Variants in NSF observed in about 807,000 individuals in gnomAD.
NSF encodes the protein N-ethylmaleimide sensitive factor, vesicle fusing ATPase, also known as vesicle-fusing ATPase.
Under a neutral mutation model 50.3 loss-of-function variants are expected in NSF, and 14 were observed. That is an observed-to-expected ratio of 0.28 (90% CI 0.18 to 0.44). The LOEUF (loss-of-function observed/expected upper bound fraction) is 0.44. Ranked by LOEUF, NSF falls within the 20% of genes least tolerant of loss-of-function variation. The pLI is 1.00. For missense variants in NSF, 218 were observed against 504.3 expected (o/e 0.43, Z 5.44); for synonymous variants, 109 against 175.7 (o/e 0.62, Z 3.00).
intron 1 of NSF, among the ~76,000 whole-genome samples, chr17:46,622,319 G>C (rs1215180860): frequency 6.7e-6 from 1 of 148,766 alleles, no homozygotes; most frequent in Non-Finnish European, 1.5e-5. Context: ...TTAGCCAGGC[G>C]TGGTGGTGGG....
At chr17:46,709,787 G>A (rs2058700723) in intron 13 of NSF, among the ~76,000 whole-genome samples, 2 of 152,060 alleles carry the variant, frequency 1.3e-5, no homozygotes, top group South Asian at 2.1e-4. Context: ...GAGTCACTGC[G>A]CCCGGCCATG....
chr17:46,714,088 A>G (rs2058744925), intron 15 of NSF, 102 bp downstream of exon 15: 5 of 1,259,270 alleles, frequency 4.0e-6, no homozygotes, highest in African/African-American at 3.1e-5. Context: ...ACCCATAGCA[A>G]CTATGTTCTT....
intron 15 of NSF, chr17:46,721,671 C>A: frequency 6.2e-7 from 1 of 1,604,354 alleles, no homozygotes; most frequent in Non-Finnish European, 8.5e-7. Flanking sequence ...TTGTGTTCCA[C>A]ATTGTTCTGC....
At chr17:46,747,710 C>T (rs2059144632) in intron 17 of NSF, among the ~76,000 whole-genome samples, 1 of 152,006 alleles carries the variant, frequency 6.6e-6, no homozygotes, top group Non-Finnish European at 1.5e-5. Context: ...TTGATACTAA[C>T]CTGAAAAGTA....
rs2058077269 is a variant in NSF at position 46,622,587 on chromosome 17, A to G, written c.13-1657A>G. 6.1e-5 allele frequency among the ~76,000 whole-genome samples: 9 copies of G among 147,514 alleles called. No individual in the cohort carries two copies. In the South Asian group the frequency reaches 1.9e-3, roughly 32 times the overall value. On this transcript the variant is annotated intron_variant, in intron 1 of 20. Coordinates refer to ENST00000398238, the MANE Select transcript of NSF (RefSeq NM_006178.4). Reference sequence around the variant, plus strand: ...TGCCTGAGCTCAGGAGTTCGAGACCAGCCTGGGCAACGTGATGAAACCCCC... The same window carrying G: ...TGCCTGAGCTCAGGAGTTCGAGACCGGCCTGGGCAACGTGATGAAACCCCC...
intron 17 of NSF, among the ~76,000 whole-genome samples, chr17:46,747,182 G>A (rs2059137846): frequency 6.6e-6 from 1 of 152,186 alleles, no homozygotes; most frequent in Non-Finnish European, 1.5e-5. Context: ...CCAGACACTT[G>A]AGGAAAGCCT....
intron 17 of NSF, among the ~76,000 whole-genome samples, chr17:46,732,093 G>A (rs1017113327): frequency 1.3e-4 from 20 of 152,158 alleles, no homozygotes; most frequent in Non-Finnish European, 2.6e-4. Flanking sequence ...TTGTAGAAAT[G>A]CATAGAGTGA....
chr17:46,723,129 C>G (rs1358510675), intron 15 of NSF, among the ~76,000 whole-genome samples: 1 of 152,116 alleles, frequency 6.6e-6, no homozygotes, highest in Admixed American at 6.6e-5. Flanking sequence ...TAGTTTAGAC[C>G]TAAGCAATGT....
intron 16 of NSF, among the ~76,000 whole-genome samples, chr17:46,728,498 G>C (rs1442038365): frequency 2.6e-5 from 4 of 151,884 alleles, no homozygotes; most frequent in Admixed American, 2.6e-4. Context: ...GTGGGATTAT[G>C]GCAACCTATA....
intron 17 of NSF, among the ~76,000 whole-genome samples, chr17:46,738,041 C>A (rs541714059): frequency 7.2e-5 from 11 of 151,900 alleles, no homozygotes; most frequent in Non-Finnish European, 1.6e-4. Flanking sequence ...TCAATTGATC[C>A]TCCCGCCTCA....
intron 17 of NSF, among the ~76,000 whole-genome samples, chr17:46,746,847 T>G (rs199534): frequency 0.13 from 20,301 of 152,190 alleles, 1,851 homozygotes; most frequent in Non-Finnish European, 0.2. Context: ...GTACTGAATT[T>G]TCATGATTAT....
At chr17:46,671,796 G>A (rs988199958) in intron 8 of NSF, among the ~76,000 whole-genome samples, 1 of 130,922 alleles carries the variant, frequency 7.6e-6, no homozygotes, top group Non-Finnish European at 1.7e-5. Flanking sequence ...ATTAATTTGA[G>A]CATTTTCTGT....
intron 17 of NSF, among the ~76,000 whole-genome samples, chr17:46,734,023 C>T (rs890553856): frequency 6.6e-6 from 1 of 152,318 alleles, no homozygotes; most frequent in African/African-American, 2.4e-5. Flanking sequence ...CTTGTTTCTG[C>T]ATGAGTTTTG....
intron 15 of NSF, among the ~76,000 whole-genome samples, chr17:46,716,001 A>G (rs2146270502): frequency 6.6e-6 from 1 of 152,328 alleles, no homozygotes; most frequent in African/African-American, 2.4e-5. Context: ...CCTTGGGGGA[A>G]AAATATTATT....
intron 8 of NSF, among the ~76,000 whole-genome samples, chr17:46,657,405 T>C (rs1169099566): frequency 6.6e-6 from 1 of 152,232 alleles, no homozygotes; most frequent in Non-Finnish European, 1.5e-5. Context: ...TTCAAGAGAC[T>C]TGGAGTCTAG....
Position 46,711,710 on chromosome 17 carries a change from C to T in NSF, c.1627+591C>T, listed in dbSNP as rs115922611. The stretch of plus-strand genomic sequence containing the variant: ...TAATTTACAGTTATAATTAGTATGA[C>T]GGCAGAAAAGTTCAGTGAGGCCCCA... On this transcript the variant is annotated intron_variant, in intron 14 of 20. Transcript: ENST00000398238. Among the ~76,000 whole-genome samples, 436 of 152,210 alleles carry T rather than the reference C, an allele frequency of 2.9e-3. 5 individuals are homozygous for T. Among genetic ancestry groups the T allele is most frequent in the African/African-American group, 0.01 (421 of 41,530 alleles).
chr17:46,754,136 G>A (rs542639520), intron 19 of NSF, among the ~76,000 whole-genome samples: 4 of 143,232 alleles, frequency 2.8e-5, no homozygotes, highest in East Asian at 2.1e-4. Context: ...CTACAACTGC[G>A]CTCCAGCCAG....
chr17:46,729,739 C>T (rs2058930466), intron 17 of NSF, among the ~76,000 whole-genome samples: 1 of 152,078 alleles, frequency 6.6e-6, no homozygotes. Context: ...GAGATAGAAA[C>T]TAATCTGTAA....
At chr17:46,649,386 A>C in intron 8 of NSF, among the ~76,000 whole-genome samples, 1 of 151,762 alleles carries the variant, frequency 6.6e-6, no homozygotes, top group Non-Finnish European at 1.5e-5. Flanking sequence ...TTAGGCAGCC[A>C]AGGCAGCATT....
Sources: gnomAD v4.1 joint callset for allele counts (sites outside exome capture counted in the v4.1 genomes callset) on GRCh38, gnomAD v4.1.1 for gene constraint, MANE v1.5 for transcripts, NCBI Gene and HGNC (gene_info 2026-07-23, HGNC 2026-07-21) for gene names.